Variants in PPP6R2 observed in about 807,000 individuals in gnomAD.
PPP6R2 encodes the protein protein phosphatase 6 regulatory subunit 2.
A neutral mutation model predicts 100.2 loss-of-function variants in PPP6R2; 62 were observed. The observed-to-expected ratio is 0.62, with a 90% CI of 0.50 to 0.76. PPP6R2 has a LOEUF of 0.76. PPP6R2 is among the 30% of genes least tolerant of loss of function. The pLI is 0.00. For missense variants in PPP6R2, 1,142 were observed against 1,276.3 expected (o/e 0.89, Z 1.60); for synonymous variants, 525 against 514.7 (o/e 1.02, Z -0.27).
At chr22:50,337,795 CTG>C in the PPP6R2 span, among the ~76,000 whole-genome samples, 1 of 117,694 alleles carries the variant, frequency 8.5e-6, no homozygotes, top group Admixed American at 8.7e-5. Flanking sequence ...TGTGTGTGTG[CTG>C]TGTGGGGCAT....
intron 4 of PPP6R2, among the ~76,000 whole-genome samples, chr22:50,410,352 C>T (rs1443977225): frequency 6.6e-6 from 1 of 152,126 alleles, no homozygotes; most frequent in African/African-American, 2.4e-5. Flanking sequence ...CAGCTGGTAG[C>T]TCAGGCTACT....
chr22:50,413,204 C>G (rs1003977988), intron 4 of PPP6R2, among the ~76,000 whole-genome samples: 4 of 152,046 alleles, frequency 2.6e-5, no homozygotes, highest in Non-Finnish European at 5.9e-5. Flanking sequence ...CTCAGGTGAT[C>G]CACCCACCTC....
intron 2 of PPP6R2, among the ~76,000 whole-genome samples, chr22:50,375,592 G>GT (rs1211829812): frequency 6.6e-6 from 1 of 152,018 alleles, no homozygotes; most frequent in African/African-American, 2.4e-5. Context: ...CCCTCATCTG[G>GT]TTGTCTTTTT....
At chr22:50,393,522 G>A (rs1158656137) in intron 2 of PPP6R2, 5 of 984,972 alleles carry the variant, frequency 5.1e-6, no homozygotes, top group African/African-American at 1.8e-5. Context: ...TGTCGAGCAC[G>A]CTGGTGGGTG....
rs955711699 is a variant in PPP6R2, at chr22:50,343,418, C to G, written c.-280C>G. On this transcript the variant is annotated 5_prime_UTR_variant, in exon 1 of 24. Coordinates refer to ENST00000612753, the MANE Select transcript of PPP6R2 (RefSeq NM_001242898.2). ...CGTGCCGGTGTCCGTAGGCGCTGCG[C>G]CCTCGGCCGGGCCCATGTGTGTGCG... 3.3e-5 allele frequency: 5 copies of G among 151,412 alleles called. No homozygotes were observed. The highest frequency in any genetic ancestry group is 2.0e-4 in the Admixed American group (3 of 15,238). The allele number at this position is 151,412 out of a possible 1,614,324, so 9.4% of individuals were successfully genotyped here.
intron 9 of PPP6R2, 84 bp downstream of exon 9, chr22:50,422,464 C>T: frequency 1.3e-6 from 2 of 1,544,892 alleles, no homozygotes; most frequent in Non-Finnish European, 1.8e-6. Context: ...CACAGCTTGT[C>T]CCATAGGTAG....
At chr22:50,436,482 G>A (rs1488562328) in intron 14 of PPP6R2, 30 bp downstream of exon 14, 13 of 1,558,352 alleles carry the variant, frequency 8.3e-6, no homozygotes, top group African/African-American at 1.4e-5. Context: ...CCCCCTCGGT[G>A]CACGCACGGT....
chr22:50,354,270 A>C (rs771046328), intron 1 of PPP6R2, among the ~76,000 whole-genome samples: 3 of 152,128 alleles, frequency 2.0e-5, no homozygotes, highest in Non-Finnish European at 2.9e-5. Flanking sequence ...ATGCCACTGC[A>C]CTCCAGCCTG....
intron 2 of PPP6R2, chr22:50,392,154 T>C (rs1198053101): frequency 1.3e-5 from 2 of 152,116 alleles, no homozygotes; most frequent in Admixed American, 6.6e-5. Context: ...CTCATAAATA[T>C]CTATCCACAC....
At chr22:50,396,284 C>G (rs966742129) in intron 3 of PPP6R2, among the ~76,000 whole-genome samples, 3 of 150,404 alleles carry the variant, frequency 2.0e-5, no homozygotes, top group African/African-American at 7.3e-5. Flanking sequence ...ATCACGAGGT[C>G]AGGAGTTCGA....
chr22:50,338,605 G>T (rs370255989), upstream of PPP6R2, among the ~76,000 whole-genome samples: 25,800 of 139,748 alleles, frequency 0.18, 2,609 homozygotes, highest in South Asian at 0.34. Context: ...TGTGGTGTGT[G>T]TGGTATGTAG....
chr22:50,396,365 T>G (rs201126414), intron 3 of PPP6R2, among the ~76,000 whole-genome samples: 29 of 151,292 alleles, frequency 1.9e-4, no homozygotes, highest in Middle Eastern at 3.4e-3. Context: ...TGTGGTGGCA[T>G]GTGCCTATAA....
intron 1 of PPP6R2, among the ~76,000 whole-genome samples, chr22:50,349,271 C>T (rs1303955889): frequency 7.1e-6 from 1 of 141,826 alleles, no homozygotes; most frequent in Admixed American, 7.5e-5. Flanking sequence ...ACTGAGGTGG[C>T]AGGATCACCT....
At position 50,443,899 on chromosome 22, in the gene PPP6R2, T is replaced by C. The variant is rs755338981; in HGVS notation, c.2613T>C (p.Pro871=). The change falls in exon 23 of 24, where the codon CCT becomes CCC. Residue 871 remains proline, a synonymous_variant. Coordinates refer to ENST00000612753, the MANE Select transcript of PPP6R2 (RefSeq NM_001242898.2). The part of the protein sequence containing the change: ...VGCADSRLLS[P]ACPAPKEVTA... ...GTGCTGACAGCCGGCTGTTAAGCCC[T>C]GCCTGCCCCGCGCCAAAGGAAGTGA... The C allele has an allele frequency of 6.9e-6, 11 of 1,589,484 alleles. No homozygotes were observed. Among genetic ancestry groups the C allele is most frequent in the Non-Finnish European group, 9.4e-6 (11 of 1,168,096 alleles).
intron 2 of PPP6R2, among the ~76,000 whole-genome samples, chr22:50,389,903 T>C (rs1464446682): frequency 2.0e-5 from 3 of 151,846 alleles, no homozygotes; most frequent in African/African-American, 7.3e-5. Flanking sequence ...GTGATCATTT[T>C]TGAGTGTTTC....
intron 10 of PPP6R2, among the ~76,000 whole-genome samples, chr22:50,426,661 C>T (rs2062173097): frequency 6.6e-6 from 1 of 152,002 alleles, no homozygotes; most frequent in Non-Finnish European, 1.5e-5. Flanking sequence ...GTGGCGAAAC[C>T]CCATGTCTAC....
At chr22:50,378,414 C>G (rs1416936917) in intron 2 of PPP6R2, among the ~76,000 whole-genome samples, 3 of 151,824 alleles carry the variant, frequency 2.0e-5, no homozygotes, top group Non-Finnish European at 2.9e-5. Flanking sequence ...TGGAGAAACC[C>G]CATCTCTACT....
chr22:50,357,913 C>CGCACCTG (rs553214999), intron 1 of PPP6R2, among the ~76,000 whole-genome samples: 8 of 151,512 alleles, frequency 5.3e-5, no homozygotes, highest in African/African-American at 1.9e-4. Context: ...TGTGAGCCAC[C>CGCACCTG]GCACCTGGCA....
intron 1 of PPP6R2, among the ~76,000 whole-genome samples, chr22:50,359,826 T>C (rs948657336): frequency 6.6e-5 from 10 of 152,152 alleles, no homozygotes; most frequent in Middle Eastern, 3.2e-3. Flanking sequence ...GGTATCAAGG[T>C]AATACTGGGA....
Sources: allele counts gnomAD v4.1 joint callset (sites outside exome capture counted in the v4.1 genomes callset), GRCh38; gene constraint gnomAD v4.1.1; transcripts MANE v1.5; gene names NCBI Gene and HGNC (gene_info 2026-07-23, HGNC 2026-07-21).